MAP2: variants seen among roughly 807,000 people sequenced by gnomAD.
MAP2 encodes microtubule associated protein 2, also known as microtubule-associated protein 2.
In MAP2, 14 loss-of-function variants were observed where a neutral mutation model predicts 137.6. The observed-to-expected ratio is 0.10, with a 90% CI of 0.07 to 0.16. The LOEUF is 0.16. Among genes scored for constraint, MAP2 ranks in the 10% least tolerant of loss-of-function variants. The pLI is 1.00. For missense variants in MAP2, 2,088 were observed against 2,191.5 expected, an observed-to-expected ratio of 0.95 and a Z score of 0.94; for synonymous variants, 786 against 782.3, an observed-to-expected ratio of 1.00 and a Z score of -0.08.
At chr2:209,638,254 A>G (rs922391437) in intron 4 of MAP2, among the ~76,000 whole-genome samples, 8 of 152,150 alleles carry the variant, frequency 5.3e-5, no homozygotes, top group Admixed American at 1.3e-4. Flanking sequence ...AGATAAATCT[A>G]CTCAAAGAGA....
intron 3 of MAP2, among the ~76,000 whole-genome samples, chr2:209,584,304 G>C (rs996252709): frequency 2.6e-5 from 4 of 152,052 alleles, no homozygotes; most frequent in African/African-American, 4.8e-5. Context: ...GTATGGAGGA[G>C]CTCCAGAAAG....
At chr2:209,691,371 AT>A (rs2058848029) in intron 7 of MAP2, among the ~76,000 whole-genome samples, 1 of 152,056 alleles carries the variant, frequency 6.6e-6, no homozygotes, top group South Asian at 2.1e-4. Context: ...GATGCTTCTC[AT>A]ATCATTTTCT....
rs543409601 is a variant in MAP2, at chr2:209,492,757, A to G, written c.-221-14835A>G. 2.0e-5 allele frequency among the ~76,000 whole-genome samples: 3 copies of G among 152,296 alleles called. No individual in the cohort carries two copies. In the South Asian group the frequency reaches 6.2e-4, roughly 32 times the overall value. On this transcript the variant is annotated intron_variant, in intron 1 of 15. Transcript: ENST00000682079. ...GGATGTGAAGGACCTCTTCAAGGAG[A>G]ACTACAAACCACTGCTCAAGGAAAT...
chr2:209,472,314 T>C (rs1470190956), intron 1 of MAP2, among the ~76,000 whole-genome samples: 1 of 152,122 alleles, frequency 6.6e-6, no homozygotes, highest in Non-Finnish European at 1.5e-5. Flanking sequence ...GTGACTAGGT[T>C]TATTAAGGAG....
At chr2:209,475,472 T>C (rs546995079) in intron 1 of MAP2, among the ~76,000 whole-genome samples, 20 of 152,156 alleles carry the variant, frequency 1.3e-4, no homozygotes, top group Non-Finnish European at 2.4e-4. Flanking sequence ...AATAAAAACA[T>C]TTAGAAATAA....
chr2:209,634,404 T>TCCAG (rs1428892016), intron 4 of MAP2, among the ~76,000 whole-genome samples: 6 of 152,190 alleles, frequency 3.9e-5, no homozygotes, highest in Non-Finnish European at 1.5e-5. Context: ...GAAACGTTGT[T>TCCAG]TGTCCTCTTC....
At position 209,705,615 on chromosome 2, in the gene MAP2, T is replaced by C; in HGVS notation, c.4620T>C (p.Ser1540=). The C allele has an allele frequency of 6.2e-7, 1 of 1,611,832 alleles. No homozygotes were observed. Residue 1540 remains serine (S), a synonymous_variant, in exon 12 of 16, where the codon TCT becomes TCC. Coordinates refer to ENST00000682079, the MANE Select transcript of MAP2 (RefSeq NM_001375505.1). ...CCAAGAGCCCAGAAAAGCGCTCTTCTCTCCCAAGACCTTCCTCCATTCTCC... is the reference window on the plus strand; with the variant it reads ...CCAAGAGCCCAGAAAAGCGCTCTTCCCTCCCAAGACCTTCCTCCATTCTCC... The part of the protein sequence containing the change: ...GVTKSPEKRS[S]LPRPSSILPP...
intron 2 of MAP2, among the ~76,000 whole-genome samples, chr2:209,523,133 G>T (rs958898899): frequency 6.6e-6 from 1 of 152,026 alleles, no homozygotes; most frequent in Non-Finnish European, 1.5e-5. Flanking sequence ...AGGAGTGAAT[G>T]CTTAGACCTC....
rs1202464664 is a variant in MAP2, at chr2:209,497,980, C to T, written c.-221-9612C>T. ...CATTGCAAAATACAGTCATGCTTTC[C>T]CAATGGTTCCCCAATGTCTTAACTC... On this transcript the variant is annotated intron_variant, in intron 1 of 15. Coordinates refer to ENST00000682079, the MANE Select transcript of MAP2 (RefSeq NM_001375505.1). 2.6e-5 allele frequency among the ~76,000 whole-genome samples: 4 copies of T among 152,118 alleles called. No homozygotes were observed. The East Asian group carries it at 5.8e-4, about 22-fold the overall frequency.
chr2:209,645,380 T>C (rs2094350806), intron 4 of MAP2, among the ~76,000 whole-genome samples: 2 of 152,200 alleles, frequency 1.3e-5, no homozygotes, highest in Non-Finnish European at 2.9e-5. Context: ...AAAGTTATTA[T>C]TCACTTATTA....
Position 209,562,206 on chromosome 2 carries a change from A to G in MAP2, c.-171-17830A>G, listed in dbSNP as rs76734239. ...AAAGTGTGCTTTAACTCTAAAGCAA[A>G]CATGAACACATATGTGATTCTGGAT... On this transcript the variant is annotated intron_variant, in intron 2 of 15. Coordinates refer to ENST00000682079, the MANE Select transcript of MAP2 (RefSeq NM_001375505.1). Among the ~76,000 whole-genome samples, 1,008 of 152,320 alleles carry G rather than the reference A, an allele frequency of 6.6e-3. 17 individuals carry two copies. The highest frequency in any genetic ancestry group is 0.023 in the African/African-American group (968 of 41,592).
chr2:209,475,971 C>G (rs992393499), intron 1 of MAP2, among the ~76,000 whole-genome samples: 1 of 152,024 alleles, frequency 6.6e-6, no homozygotes, highest in South Asian at 2.1e-4. Context: ...CCATTTCTCT[C>G]TTTCAGAGAA....
chr2:209,497,013 C>A (rs2059828260), intron 1 of MAP2, among the ~76,000 whole-genome samples: 1 of 152,116 alleles, frequency 6.6e-6, no homozygotes, highest in African/African-American at 2.4e-5. Flanking sequence ...AAACTCCTGG[C>A]CTCAAGCAGT....
At chr2:209,705,750 TC>T (rs754379418) in intron 12 of MAP2, 23 bp downstream of exon 12, 2 of 1,605,522 alleles carry the variant, frequency 1.2e-6, no homozygotes, top group Non-Finnish European at 1.7e-6. Context: ...TGATTTGAAT[TC>T]CTTTTTAAGC....
At chr2:209,536,719 G>A (rs1450356165) in intron 2 of MAP2, among the ~76,000 whole-genome samples, 8 of 152,130 alleles carry the variant, frequency 5.3e-5, no homozygotes, top group Non-Finnish European at 7.4e-5. Context: ...GCCTCACTTT[G>A]TGTCTTAAAT....
At chr2:209,451,945 GATGAA>G (rs1700419928) in intron 1 of MAP2, among the ~76,000 whole-genome samples, 1 of 152,014 alleles carries the variant, frequency 6.6e-6, no homozygotes, top group South Asian at 2.1e-4. Flanking sequence ...TTTTAAAATC[GATGAA>G]TTTTAGAGAG....
At chr2:209,445,627 A>G (rs1380042964) in intron 1 of MAP2, among the ~76,000 whole-genome samples, 1 of 151,692 alleles carries the variant, frequency 6.6e-6, no homozygotes, top group Non-Finnish European at 1.5e-5. Flanking sequence ...TGTCATTTTT[A>G]TGTAACATCT....
intron 7 of MAP2, chr2:209,690,685 C>T: frequency 7.8e-7 from 1 of 1,289,562 alleles, no homozygotes; most frequent in African/African-American, 1.5e-5. Context: ...CTGCTAAGTC[C>T]TCAGACCAAC....
At chr2:209,493,935 A>G (rs1405570937) in intron 1 of MAP2, among the ~76,000 whole-genome samples, 2 of 152,246 alleles carry the variant, frequency 1.3e-5, no homozygotes, top group Non-Finnish European at 2.9e-5. Flanking sequence ...ATTACTGGGT[A>G]TATACCCAAA....
Sources: allele counts gnomAD v4.1 joint callset (sites outside exome capture counted in the v4.1 genomes callset), GRCh38; gene constraint gnomAD v4.1.1; transcripts MANE v1.5; gene names NCBI Gene and HGNC (gene_info 2026-07-23, HGNC 2026-07-21).